Variants in SLC44A5 observed in about 807,000 individuals in gnomAD.
SLC44A5 encodes the protein solute carrier family 44 member 5.
Under a neutral mutation model 101.8 loss-of-function variants are expected in SLC44A5, and 57 were observed. The ratio of observed to expected loss-of-function variants is 0.56; its 90% CI spans 0.45 to 0.70. The LOEUF is 0.70. Ranked by LOEUF, SLC44A5 falls within the 30% of genes least tolerant of loss-of-function variation. The pLI is 0.00. For missense variants in SLC44A5, 737 were observed against 853.1 expected (o/e 0.86, Z 1.70); for synonymous variants, 281 against 290.9 (o/e 0.97, Z 0.35).
intron 2 of SLC44A5, among the ~76,000 whole-genome samples, chr1:75,486,571 C>T (rs1668161506): frequency 6.6e-6 from 1 of 152,098 alleles, no homozygotes; most frequent in Admixed American, 6.5e-5. Context: ...GTCGATCAGC[C>T]TTTTTGAAAA....
the SLC44A5 span, among the ~76,000 whole-genome samples, chr1:75,657,473 A>C: frequency 6.6e-6 from 1 of 151,694 alleles, no homozygotes; most frequent in Non-Finnish European, 1.5e-5. Flanking sequence ...CACTTGAGCC[A>C]GGAGCTGGAG....
chr1:75,602,424 G>A (rs1053163673), intron 1 of SLC44A5, among the ~76,000 whole-genome samples: 1 of 152,098 alleles, frequency 6.6e-6, no homozygotes, highest in Non-Finnish European at 1.5e-5. Context: ...ATGTATTAAC[G>A]TAAGACTTTC....
chr1:75,640,950 G>C, the SLC44A5 span, among the ~76,000 whole-genome samples: 1 of 152,000 alleles, frequency 6.6e-6, no homozygotes, highest in Non-Finnish European at 1.5e-5. Flanking sequence ...AGTCACAAAT[G>C]AGCCAAGTGA....
chr1:75,436,019 A>G (rs903933939), intron 2 of SLC44A5, among the ~76,000 whole-genome samples: 2 of 152,142 alleles, frequency 1.3e-5, no homozygotes, highest in African/African-American at 4.8e-5. Flanking sequence ...AAAAACATAA[A>G]TGAAGACACA....
chr1:75,420,967 T>C (rs1663965477), intron 2 of SLC44A5, among the ~76,000 whole-genome samples: 1 of 152,008 alleles, frequency 6.6e-6, no homozygotes, highest in Admixed American at 6.6e-5. Flanking sequence ...AACACAGATG[T>C]CACAAAAATG....
At chr1:75,456,883 C>T (rs1666213718) in intron 2 of SLC44A5, among the ~76,000 whole-genome samples, 1 of 152,206 alleles carries the variant, frequency 6.6e-6, no homozygotes, top group South Asian at 2.1e-4. Flanking sequence ...ATAACATCTT[C>T]TCCAAATAAA....
intron 4 of SLC44A5, among the ~76,000 whole-genome samples, chr1:75,326,804 T>G (rs1656633144): frequency 6.6e-6 from 1 of 152,132 alleles, no homozygotes; most frequent in Non-Finnish European, 1.5e-5. Context: ...AGAAGATGGC[T>G]TGTATGGTTG....
chr1:75,395,999 T>C (rs1557740412), intron 3 of SLC44A5, among the ~76,000 whole-genome samples: 1 of 152,152 alleles, frequency 6.6e-6, no homozygotes, highest in Non-Finnish European at 1.5e-5. Flanking sequence ...AAATTTTTGT[T>C]TGCACATGAA....
chr1:75,522,310 TA>T (rs1395595986), intron 2 of SLC44A5: 1 of 151,870 alleles, frequency 6.6e-6, no homozygotes, highest in East Asian at 1.9e-4. Context: ...ATAAATTTTG[TA>T]AATATGTATC....
Position 75,479,782 on chromosome 1 carries a change from C to A in SLC44A5, c.13+61653G>T, listed in dbSNP as rs1196411047. ...CAATAGCTTACCAACCAAAAAGAGT[C>A]CAGGACCAGATGGATTCACAGCCGA... On this transcript the variant is annotated intron_variant, in intron 2 of 23. Transcript: ENST00000370859. Among the ~76,000 whole-genome samples the A allele has an allele frequency of 5.0e-4, 76 of 152,272 alleles. 3 individuals carry two copies. The South Asian group carries it at 0.015, about 31-fold the overall frequency.
At chr1:75,716,530 T>G in the SLC44A5 span, among the ~76,000 whole-genome samples, 1 of 152,092 alleles carries the variant, frequency 6.6e-6, no homozygotes, top group Non-Finnish European at 1.5e-5. Context: ...GCAATGTAAA[T>G]TAGTTCAGCC....
chr1:75,576,070 C>G (rs923550120), intron 1 of SLC44A5, among the ~76,000 whole-genome samples: 2 of 150,084 alleles, frequency 1.3e-5, no homozygotes, highest in African/African-American at 4.9e-5. Context: ...GCCACCCTAG[C>G]TAGACAGATG....
intron 3 of SLC44A5, among the ~76,000 whole-genome samples, chr1:75,393,985 A>G (rs1661963806): frequency 6.6e-6 from 1 of 152,166 alleles, no homozygotes; most frequent in South Asian, 2.1e-4. Context: ...AGGGCTAGAG[A>G]TGTAAATCTA....
At chr1:75,641,626 C>G in the SLC44A5 span, 71 of 1,493,614 alleles carry the variant, frequency 4.8e-5, no homozygotes, top group Non-Finnish European at 6.3e-5. Context: ...GGTCACGGTT[C>G]AAAATTGCAT....
chr1:75,332,837 G>A (rs2101006560), intron 4 of SLC44A5, among the ~76,000 whole-genome samples: 1 of 152,176 alleles, frequency 6.6e-6, no homozygotes, highest in Non-Finnish European at 1.5e-5. Context: ...TGCACTATGT[G>A]GACACACACC....
At chr1:75,445,241 T>TTAACATGCCTGGTATC (rs1015192314) in intron 2 of SLC44A5, among the ~76,000 whole-genome samples, 3 of 152,016 alleles carry the variant, frequency 2.0e-5, no homozygotes, top group Non-Finnish European at 4.4e-5. Context: ...AGCGGGTTGT[T>TTAACATGCCTGGTATC]TAACATGCCT....
chr1:75,250,998 C>A (rs573349047), intron 7 of SLC44A5, among the ~76,000 whole-genome samples: 4 of 152,140 alleles, frequency 2.6e-5, no homozygotes, highest in Non-Finnish European at 5.9e-5. Flanking sequence ...CATCGAGCTT[C>A]CTAAGTGATT....
At chr1:75,640,130 G>A in the SLC44A5 span, among the ~76,000 whole-genome samples, 5 of 151,980 alleles carry the variant, frequency 3.3e-5, no homozygotes, top group Non-Finnish European at 5.9e-5. Context: ...CAACAGTTTC[G>A]CCAAATTTTT....
the SLC44A5 span, among the ~76,000 whole-genome samples, chr1:75,717,162 C>T: frequency 2.6e-5 from 4 of 151,824 alleles, no homozygotes; most frequent in South Asian, 2.1e-4. Context: ...TTATTCTAAG[C>T]GCATTTACAC....
Sources: gnomAD v4.1 joint callset for allele counts (sites outside exome capture counted in the v4.1 genomes callset) on GRCh38, gnomAD v4.1.1 for gene constraint, MANE v1.5 for transcripts, NCBI Gene and HGNC (gene_info 2026-07-23, HGNC 2026-07-21) for gene names.